Variants in DMD observed in about 807,000 individuals in gnomAD.
DMD encodes the protein dystrophin.
Under a neutral mutation model 330.1 loss-of-function variants are expected in DMD, and 63 were observed. The ratio of observed to expected loss-of-function variants is 0.19; its 90% CI spans 0.16 to 0.24. The LOEUF is 0.24. Among genes scored for constraint, DMD ranks in the 10% least tolerant of loss-of-function variants. The probability of loss-of-function intolerance (pLI) is 1.00; values close to 1 mark genes in which losing one functional copy is unlikely to be tolerated. For missense variants in DMD, 3,344 were observed against 2,684.1 expected, an observed-to-expected ratio of 1.25 and a Z score of -5.43; for synonymous variants, 1,223 against 959.8, an observed-to-expected ratio of 1.27 and a Z score of -5.07.
chrX:32,632,899 G>C (rs191018496), intron 11 of DMD, among the ~76,000 whole-genome samples: 51 of 112,503 alleles, frequency 4.5e-4, no homozygotes, highest in African/African-American at 1.5e-3. Context: ...TTTCCCCATT[G>C]TCTTGGCTAT....
chrX:33,030,745 AAT>A (rs765091645), intron 1 of DMD, among the ~76,000 whole-genome samples: 119 of 111,792 alleles, frequency 1.1e-3, no homozygotes, highest in South Asian at 4.5e-3. Context: ...CTGCCTACTC[AAT>A]ATTACTTTTA....
intron 59 of DMD, among the ~76,000 whole-genome samples, chrX:31,460,177 G>A (rs2066443681): frequency 9.0e-6 from 1 of 111,232 alleles, no homozygotes; most frequent in Non-Finnish European, 1.9e-5. Context: ...GCACCATTTT[G>A]GGAAAAATCC....
At chrX:31,288,264 G>GT (rs1341124805) in intron 62 of DMD, among the ~76,000 whole-genome samples, 2 of 111,868 alleles carry the variant, frequency 1.8e-5, no homozygotes, top group African/African-American at 6.5e-5. Flanking sequence ...GAACACGCCA[G>GT]TATTTTTGGG....
At chrX:31,556,835 A>C (rs2074869013) in intron 55 of DMD, among the ~76,000 whole-genome samples, 1 of 112,364 alleles carries the variant, frequency 8.9e-6, no homozygotes, top group African/African-American at 3.2e-5. Context: ...AACAGAGAGG[A>C]TTATGCTCTG....
At chrX:31,762,035 G>A (rs891449695) in intron 51 of DMD, among the ~76,000 whole-genome samples, 4 of 112,019 alleles carry the variant, frequency 3.6e-5, no homozygotes, top group Non-Finnish European at 7.5e-5. Context: ...CACCTATTCA[G>A]TTAAAACACT....
intron 1 of DMD, among the ~76,000 whole-genome samples, chrX:33,290,071 T>G (rs1009173149): frequency 9.0e-6 from 1 of 111,670 alleles, no homozygotes; most frequent in Non-Finnish European, 1.9e-5. Flanking sequence ...CCTTGGTAAA[T>G]GGAACTACTA....
intron 30 of DMD, among the ~76,000 whole-genome samples, chrX:32,407,875 A>C (rs972803863): frequency 1.9e-5 from 2 of 105,477 alleles, no homozygotes; most frequent in Non-Finnish European, 3.9e-5. Context: ...TCGCAAGGAC[A>C]AAAAACCAAA....
At chrX:33,019,174 C>A (rs912273948) in intron 2 of DMD, among the ~76,000 whole-genome samples, 5 of 111,061 alleles carry the variant, frequency 4.5e-5, no homozygotes, top group Non-Finnish European at 9.5e-5. Context: ...AAAATCAGAC[C>A]CATAGAGGGA....
chrX:32,793,143 G>A (rs745449444), intron 7 of DMD, among the ~76,000 whole-genome samples: 16 of 111,737 alleles, frequency 1.4e-4, no homozygotes, highest in African/African-American at 5.2e-4. Flanking sequence ...GAGAAACTTT[G>A]GAACCTGTAC....
chrX:31,634,431 G>T (rs1038379357), intron 54 of DMD, among the ~76,000 whole-genome samples: 2 of 111,222 alleles, frequency 1.8e-5, no homozygotes, highest in African/African-American at 6.5e-5. Context: ...GACACCACAG[G>T]ATGACTTTTT....
chrX:31,725,142 C>T (rs1237259181), intron 52 of DMD, among the ~76,000 whole-genome samples: 1 of 111,457 alleles, frequency 9.0e-6, no homozygotes, highest in Non-Finnish European at 1.9e-5. Flanking sequence ...GGCTTGAATT[C>T]TACTTCCTCA....
chrX:32,481,925 C>T (rs2148557170), intron 21 of DMD, among the ~76,000 whole-genome samples: 1 of 111,635 alleles, frequency 9.0e-6, no homozygotes, highest in East Asian at 2.8e-4. Flanking sequence ...AAAAAGTGAG[C>T]AAGACTCTGT....
At chrX:32,741,423 C>T (rs2069251176) in intron 7 of DMD, among the ~76,000 whole-genome samples, 1 of 111,416 alleles carries the variant, frequency 9.0e-6, no homozygotes, top group South Asian at 3.8e-4. Context: ...GCTTTTCTCC[C>T]CCTTTTTAAA....
intron 23 of DMD, among the ~76,000 whole-genome samples, chrX:32,467,398 G>T (rs774305388): frequency 6.3e-5 from 7 of 110,730 alleles, no homozygotes; most frequent in Non-Finnish European, 1.3e-4. Context: ...AGCTTGAGTG[G>T]TTATTAGTAT....
intron 2 of DMD, among the ~76,000 whole-genome samples, chrX:32,928,696 G>T (rs1486068922): frequency 9.0e-6 from 1 of 111,726 alleles, no homozygotes; most frequent in African/African-American, 3.2e-5. Flanking sequence ...TAAAATAAGA[G>T]ATTTTTAAAA....
In DMD at chrX:32,501,783, A is replaced by G. The variant is rs142006072; in HGVS notation, c.2352T>C (p.Ala784=). Residue 784 remains alanine (A), a synonymous_variant, in exon 19 of 79, where the codon GCT becomes GCC. Transcript: ENST00000357033. ...TCACCATCTGTTCCACCAGGGCCTG[A>G]GCTGATCTGCTGGCATCTTGCAGTT... is the stretch of plus-strand genomic sequence containing the variant. ...FRKLQDASRS[A]QALVEQMVNE... 1.8e-5 allele frequency: 22 copies of G among 1,207,981 alleles called. No homozygotes were observed. In the African/African-American group the frequency reaches 3.5e-4, roughly 19 times the overall value.
At chrX:32,571,388 A>C (rs2052400346) in intron 15 of DMD, among the ~76,000 whole-genome samples, 1 of 111,604 alleles carries the variant, frequency 9.0e-6, no homozygotes, top group South Asian at 3.8e-4. Flanking sequence ...AGTGTGTACC[A>C]CTTCCTACTT....
rs1000331545 is a variant in DMD at position 32,079,862 on chromosome X, T to C, written c.6439-111348A>G. ...TGCTGAAATCCCAGTGCGCCCAAAA[T>C]TGCACGTCCTGTAATAGGTGTTTGA... On this transcript the variant is annotated intron_variant, in intron 44 of 78. Transcript: ENST00000357033. 2.7e-5 allele frequency among the ~76,000 whole-genome samples: 3 copies of C among 111,933 alleles called. 1 individual carries two copies. Among genetic ancestry groups the C allele is most frequent in the African/African-American group, 9.7e-5 (3 of 30,779 alleles).
chrX:31,700,936 C>T (rs966499412), intron 52 of DMD, among the ~76,000 whole-genome samples: 2 of 111,697 alleles, frequency 1.8e-5, no homozygotes, highest in African/African-American at 6.5e-5. Context: ...TCCATCGGTC[C>T]AGCATCTCAG....
Sources: allele counts gnomAD v4.1 joint callset (sites outside exome capture counted in the v4.1 genomes callset), GRCh38; gene constraint gnomAD v4.1.1; transcripts MANE v1.5; gene names NCBI Gene and HGNC (gene_info 2026-07-23, HGNC 2026-07-21).